The following ZNF19 variants were observed in gnomAD, a reference collection of about 807,000 sequenced individuals.
The protein encoded by ZNF19 is zinc finger protein 19, also known as zinc finger protein 19 (KOX 12).
ZNF19 carries 11 observed loss-of-function variants against 13.1 expected under a neutral mutation model. That is an observed-to-expected ratio of 0.84 (90% confidence interval 0.53 to 1.39). The LOEUF (loss-of-function observed/expected upper bound fraction) is 1.39, where lower values mean the gene tolerates loss of function less well. ZNF19 is among the 40% of genes most tolerant of loss of function. ZNF19 has a pLI of 0.00. For missense variants in ZNF19, 560 were observed against 547.0 expected, an observed-to-expected ratio of 1.02 and a Z score of -0.24; for synonymous variants, 186 against 187.0, an observed-to-expected ratio of 0.99 and a Z score of 0.04.
chr16:71,483,108 C>A (rs1045602383), intron 2 of ZNF19, among the ~76,000 whole-genome samples: 4 of 152,078 alleles, frequency 2.6e-5, no homozygotes, highest in East Asian at 3.8e-4. Flanking sequence ...CAAGAATGGC[C>A]AAGAAAACTC....
In ZNF19 at chr16:71,475,581, A is replaced by T; in HGVS notation, c.966T>A (p.Ile322=). The T allele has an allele frequency of 6.2e-7, 1 of 1,613,900 alleles. No individual in the cohort carries two copies. The highest frequency in any genetic ancestry group is 1.3e-5 in the African/African-American group (1 of 74,934). ...RTSHLSQHQR[I]HTGEKPYSCK... is the part of the protein sequence containing the mutation. ...AAGAATAAGGCTTTTCCCCTGTGTG[A>T]ATACGCTGATGTTGGCTTAGATGGG... Residue 322 remains isoleucine (I), a synonymous_variant, in exon 6 of 6, where the codon ATT becomes ATA. Transcript: ENST00000288177.
intron 3 of ZNF19, among the ~76,000 whole-genome samples, chr16:71,480,833 G>A (rs2043632971): frequency 6.6e-6 from 1 of 152,082 alleles, no homozygotes; most frequent in East Asian, 1.9e-4. Flanking sequence ...TCTGAGAGAA[G>A]TCCATACTTC....
intron 5 of ZNF19, among the ~76,000 whole-genome samples, chr16:71,477,686 T>C (rs1453828567): frequency 1.3e-5 from 2 of 152,098 alleles, no homozygotes; most frequent in Non-Finnish European, 2.9e-5. Flanking sequence ...ACTTGCCTAT[T>C]CTAAAGGCAC....
chr16:71,482,627 C>T (rs2043644845), intron 2 of ZNF19, among the ~76,000 whole-genome samples: 1 of 152,008 alleles, frequency 6.6e-6, no homozygotes. Flanking sequence ...TTTCTTCTAC[C>T]AAGATCACTC....
chr16:71,485,445 C>T (rs1286451590), intron 1 of ZNF19, among the ~76,000 whole-genome samples: 2 of 133,822 alleles, frequency 1.5e-5, no homozygotes, highest in South Asian at 2.5e-4. Flanking sequence ...AGCAAAACTC[C>T]ATCTCAAAAA....
chr16:71,487,726 T>A (rs1323734044), intron 1 of ZNF19, among the ~76,000 whole-genome samples: 1 of 152,204 alleles, frequency 6.6e-6, no homozygotes, highest in African/African-American at 2.4e-5. Flanking sequence ...TATTTACTGT[T>A]ACTTAATCCT....
intron 2 of ZNF19, among the ~76,000 whole-genome samples, chr16:71,483,535 T>C (rs1029244133): frequency 6.6e-6 from 1 of 152,160 alleles, no homozygotes; most frequent in African/African-American, 2.4e-5. Context: ...ACAACTGAGA[T>C]TCTCTGCCTG....
intron 4 of ZNF19, 194 bp from the exon 5 acceptor site, chr16:71,478,535 G>T (rs2043616691): frequency 2.9e-6 from 2 of 698,366 alleles, no homozygotes; most frequent in African/African-American, 1.8e-5. Flanking sequence ...GGATAAGTAA[G>T]TCAGTGAGAT....
In ZNF19 at chr16:71,482,147, A is replaced by G. The variant is rs1567570660; in HGVS notation, c.-29-4T>C. On this transcript the variant is annotated splice_region_variant and splice_polypyrimidine_tract_variant and intron_variant, in intron 2 of 5. Coordinates refer to ENST00000288177, the MANE Select transcript of ZNF19 (RefSeq NM_006961.4). The stretch of plus-strand genomic sequence containing the variant: ...TCTCCCTCTTAGCAGGCAAAGGCTG[A>G]GGGAAGAAACAGAGAGAACCAACAG... 2 of 1,613,726 alleles carry G rather than the reference A, an allele frequency of 1.2e-6. No individual in the cohort carries two copies. Among genetic ancestry groups the G allele is most frequent in the Non-Finnish European group, 1.7e-6 (2 of 1,179,862 alleles).
rs148632435 is a variant in ZNF19 at position 71,480,554 on chromosome 16, C to T, written c.33+1528G>A. Among the ~76,000 whole-genome samples, 612 of 152,300 alleles carry T rather than the reference C, an allele frequency of 4.0e-3. 1 individual carries two copies. The highest frequency in any genetic ancestry group is 7.8e-3 in the Non-Finnish European group (528 of 68,028). ...CAAGTCCTGCCAATTTTATTACCTA[C>T]GTTATTTCTGGAATCTGACTCTTCT... On this transcript the variant is annotated intron_variant, in intron 3 of 5. Transcript: ENST00000288177.
chr16:71,488,604 G>C (rs992784221), intron 1 of ZNF19, among the ~76,000 whole-genome samples: 22 of 152,056 alleles, frequency 1.4e-4, no homozygotes, highest in African/African-American at 5.3e-4. Flanking sequence ...TTTGAGACCC[G>C]TCTGACCAAC....
At position 71,475,999 on chromosome 16, in the gene ZNF19, TG is replaced by T; in HGVS notation, c.547del (p.His183ThrfsTer22). The T allele has an allele frequency of 6.2e-7, 1 of 1,614,234 alleles. No individual in the cohort carries two copies. Among genetic ancestry groups the T allele is most frequent in the Non-Finnish European group, 8.5e-7 (1 of 1,180,032 alleles). The part of the protein sequence containing the change: ...FSYYARHQRI[H>X]TGEKPFECSE... ...ACACTCAAAAGGTTTCTCCCCAGTG[TG>T]GATTCTCTGGTGTCTAGCATAGTAA... On this transcript the variant is annotated frameshift_variant, in exon 6 of 6. Transcript: ENST00000288177. LOFTEE classifies it low-confidence loss of function (END_TRUNC).
rs112325459 is a variant in ZNF19 at position 71,474,969 on chromosome 16, G to A, written c.*201C>T. 2.8e-4 allele frequency: 176 copies of A among 630,488 alleles called. 2 individuals are homozygous for A. Among genetic ancestry groups the A allele is most frequent in the African/African-American group, 2.8e-3 (150 of 54,338 alleles). 39.1% of individuals were successfully genotyped at this position (630,488 alleles called of 1,614,324 possible). A position where few individuals can be genotyped will look rare whatever the true frequency, so the allele number is the denominator to read the frequency against. On this transcript the variant is annotated 3_prime_UTR_variant, in exon 6 of 6. Transcript: ENST00000288177. ...CTTCTCAGCATTAAAACCAATGGGGGTGGGCGGGGGGAGAGTATTTGTTCC... is the reference window on the plus strand; with the variant it reads ...CTTCTCAGCATTAAAACCAATGGGGATGGGCGGGGGGAGAGTATTTGTTCC...
At chr16:71,483,083 A>C (rs1414575432) in intron 2 of ZNF19, among the ~76,000 whole-genome samples, 1 of 152,238 alleles carries the variant, frequency 6.6e-6, no homozygotes, top group East Asian at 1.9e-4. Flanking sequence ...TTTAAGGTTA[A>C]CATAAAATAA....
In ZNF19 at chr16:71,475,085, C is replaced by A. The variant is rs1355714263; in HGVS notation, c.*85G>T. Reference sequence around the variant, plus strand: ...ATTAACTGTGGCTTGAGGGATGGATCAGAGGCTGAGTCAGGCCTGTGTCAC... The same window carrying A: ...ATTAACTGTGGCTTGAGGGATGGATAAGAGGCTGAGTCAGGCCTGTGTCAC... On this transcript the variant is annotated 3_prime_UTR_variant, in exon 6 of 6. Transcript: ENST00000288177. 17 of 1,430,862 alleles carry A rather than the reference C, an allele frequency of 1.2e-5. No individual in the cohort carries two copies. Among genetic ancestry groups the A allele is most frequent in the Non-Finnish European group, 1.4e-5 (15 of 1,074,958 alleles). The allele number at this position is 1,430,862 out of a possible 1,614,324, so 88.6% of individuals were successfully genotyped here. A position where few individuals can be genotyped will look rare whatever the true frequency, so the allele number is the denominator to read the frequency against.
chr16:71,474,457 T>G lies in ZNF19; in HGVS notation c.*713A>C, dbSNP rs149822107. The G allele has an allele frequency of 6.6e-6, 1 of 152,202 alleles. No homozygotes were observed. Among genetic ancestry groups the G allele is most frequent in the African/African-American group, 2.4e-5 (1 of 41,456 alleles). The allele number at this position is 152,202 out of a possible 1,614,324, so 9.4% of individuals were successfully genotyped here. Reference sequence around the variant, plus strand: ...TGGATTCACTGGTGCAGACATAATTTTGTAGTACAATGAGATTTTTGTTAC... The same window carrying G: ...TGGATTCACTGGTGCAGACATAATTGTGTAGTACAATGAGATTTTTGTTAC... On this transcript the variant is annotated 3_prime_UTR_variant, in exon 6 of 6. Transcript: ENST00000288177.
At position 71,475,697 on chromosome 16, in the gene ZNF19, C is replaced by T; in HGVS notation, c.850G>A (p.Gly284Ser). 6.2e-7 allele frequency: 1 copy of T among 1,612,324 alleles called. No homozygotes were observed. Among genetic ancestry groups the T allele is most frequent in the Non-Finnish European group, 8.5e-7 (1 of 1,178,754 alleles). The change falls in exon 6 of 6, where the codon GGT (glycine) becomes AGT (serine). Residue 284 changes from glycine (G) to serine (S), a missense_variant. Gly to Ser is a moderately conservative substitution (Grantham distance 56). Coordinates refer to ENST00000288177, the MANE Select transcript of ZNF19 (RefSeq NM_006961.4). ...ECNECGKAFVGNSPLLRHQKI... is the reference protein window; with the variant it reads ...ECNECGKAFVSNSPLLRHQKI... The stretch of plus-strand genomic sequence containing the variant: ...TGATGCCGAAGTAGGGGTGAATTAC[C>T]AACAAAAGCTTTGCCACACTCATTA...
chr16:71,484,476 G>A (rs2043661345), intron 2 of ZNF19, 113 bp downstream of exon 2: 4 of 981,496 alleles, frequency 4.1e-6, no homozygotes, highest in Non-Finnish European at 4.8e-6. Flanking sequence ...GGTCCCGGAG[G>A]GGCCGCCCTG....
At chr16:71,487,894 C>T (rs903456724) in intron 1 of ZNF19, among the ~76,000 whole-genome samples, 2 of 152,186 alleles carry the variant, frequency 1.3e-5, no homozygotes, top group Non-Finnish European at 2.9e-5. Flanking sequence ...AGTATCTATA[C>T]TGACATATAA....
Sources: allele counts gnomAD v4.1 joint callset (sites outside exome capture counted in the v4.1 genomes callset), GRCh38; gene constraint gnomAD v4.1.1; transcripts MANE v1.5; gene names NCBI Gene and HGNC (gene_info 2026-07-23, HGNC 2026-07-21).